The following BMERB1 variants were observed in gnomAD, a reference collection of about 807,000 sequenced individuals.
BMERB1 encodes bMERB domain containing 1.
BMERB1 carries 12 observed loss-of-function variants against 23.6 expected under a neutral mutation model. The observed-to-expected ratio is 0.51, with a 90% CI of 0.33 to 0.82. The LOEUF (loss-of-function observed/expected upper bound fraction) is 0.82, where lower values mean the gene tolerates loss of function less well. BMERB1 is among the 40% of genes least tolerant of loss of function. The probability of loss-of-function intolerance (pLI) is 0.03; values close to 1 mark genes in which losing one functional copy is unlikely to be tolerated. For synonymous variants in BMERB1, 122 were observed against 96.6 expected, an observed-to-expected ratio of 1.26 and a Z score of -1.54; for missense variants, 247 against 255.4, an observed-to-expected ratio of 0.97 and a Z score of 0.22.
intron 1 of BMERB1, among the ~76,000 whole-genome samples, chr16:15,487,505 C>T (rs2051378370): frequency 6.6e-6 from 1 of 152,016 alleles, no homozygotes; most frequent in Non-Finnish European, 1.5e-5. Context: ...CCGATCCAGA[C>T]CCCAAGAGAG....
chr16:15,579,189 G>A (rs888696307), intron 3 of BMERB1, among the ~76,000 whole-genome samples: 1 of 152,172 alleles, frequency 6.6e-6, no homozygotes, highest in African/African-American at 2.4e-5. Context: ...GCTGTCAATG[G>A]TTATTTGGAG....
At chr16:15,468,542 A>G (rs1188694301) in intron 1 of BMERB1, among the ~76,000 whole-genome samples, 3 of 152,218 alleles carry the variant, frequency 2.0e-5, no homozygotes, top group East Asian at 1.9e-4. Flanking sequence ...CTCCCTTCCA[A>G]TCATGGTCTG....
At position 15,499,980 on chromosome 16, in the gene BMERB1, G is replaced by A. The variant is rs1039892405; in HGVS notation, c.107-15325G>A. Among the ~76,000 whole-genome samples the A allele has an allele frequency of 3.3e-5, 5 of 152,178 alleles. No homozygotes were observed. The South Asian group carries it at 1.0e-3, about 32-fold the overall frequency. On this transcript the variant is annotated intron_variant, in intron 1 of 5. Transcript: ENST00000300006. ...TTCAATCAATATAGTTAATAGCAAT[G>A]TGCCAATGTCAGTTTCTTGGTAAAG... is the stretch of plus-strand genomic sequence containing the variant.
At chr16:15,577,252 A>G (rs1355570188) in intron 3 of BMERB1, 1 of 152,162 alleles carries the variant, frequency 6.6e-6, no homozygotes, top group Non-Finnish European at 1.5e-5. Context: ...TCCCTTGACT[A>G]TGTCTACAGC....
At chr16:15,472,968 T>G (rs540807249) in intron 1 of BMERB1, among the ~76,000 whole-genome samples, 1 of 151,728 alleles carries the variant, frequency 6.6e-6, no homozygotes, top group Non-Finnish European at 1.5e-5. Context: ...CAAGCAGTTC[T>G]CATGCCTCAG....
chr16:15,564,757 G>T (rs1246440842), intron 2 of BMERB1, among the ~76,000 whole-genome samples: 1 of 152,222 alleles, frequency 6.6e-6, no homozygotes, highest in African/African-American at 2.4e-5. Context: ...AATGGAATAT[G>T]TAAGACTTGG....
intron 1 of BMERB1, among the ~76,000 whole-genome samples, chr16:15,487,768 G>A (rs1166735789): frequency 6.6e-6 from 1 of 152,174 alleles, no homozygotes; most frequent in East Asian, 1.9e-4. Flanking sequence ...ACAGCTGAGG[G>A]TTCCTCCACT....
chr16:15,495,126 C>T lies in BMERB1; in HGVS notation c.107-20179C>T, dbSNP rs923583897. 5.1e-4 allele frequency among the ~76,000 whole-genome samples: 78 copies of T among 151,832 alleles called. 1 individual carries two copies. The highest frequency in any genetic ancestry group is 4.7e-3 in the Admixed American group (72 of 15,240). On this transcript the variant is annotated intron_variant, in intron 1 of 5. Coordinates refer to ENST00000300006, the MANE Select transcript of BMERB1 (RefSeq NM_033201.3). ...CTCGAACTCCTGACCTCAAGTGATC[C>T]GCCTACCTCGGCCTTCCAAAGTGCT...
At chr16:15,503,788 G>A (rs1348647558) in intron 1 of BMERB1, among the ~76,000 whole-genome samples, 1 of 152,184 alleles carries the variant, frequency 6.6e-6, no homozygotes, top group Non-Finnish European at 1.5e-5. Context: ...CGCACAATTA[G>A]TGATAGAGCC....
chr16:15,577,589 G>C (rs1361908564), intron 3 of BMERB1, among the ~76,000 whole-genome samples: 2 of 152,238 alleles, frequency 1.3e-5, no homozygotes, highest in Non-Finnish European at 2.9e-5. Context: ...TGGGTGATTT[G>C]AGAGATCCAA....
At chr16:15,502,509 G>A (rs533656702) in intron 1 of BMERB1, 8 of 774,538 alleles carry the variant, frequency 1.0e-5, no homozygotes, top group South Asian at 4.6e-5. Context: ...TAAAAGCAAC[G>A]GGCGGCTTCC....
intron 1 of BMERB1, among the ~76,000 whole-genome samples, chr16:15,468,728 A>G (rs575652932): frequency 1.7e-4 from 26 of 152,160 alleles, no homozygotes; most frequent in African/African-American, 6.3e-4. Flanking sequence ...TTTATAGATT[A>G]TGCTTTGGTG....
At chr16:15,537,554 A>G (rs931987832) in intron 2 of BMERB1, among the ~76,000 whole-genome samples, 1 of 151,362 alleles carries the variant, frequency 6.6e-6, no homozygotes, top group South Asian at 2.1e-4. Flanking sequence ...GGGTTTCACC[A>G]TGTTGGCCAG....
intron 1 of BMERB1, among the ~76,000 whole-genome samples, chr16:15,461,017 C>T (rs2094833425): frequency 6.6e-6 from 1 of 151,106 alleles, no homozygotes; most frequent in African/African-American, 2.4e-5. Context: ...CCCAGCTACT[C>T]GGGAGGCTGA....
chr16:15,455,957 G>A lies in BMERB1; in HGVS notation c.106+21198G>A, dbSNP rs970417028. Among the ~76,000 whole-genome samples, 9 of 152,132 alleles carry A rather than the reference G, an allele frequency of 5.9e-5. No individual in the cohort carries two copies. In the South Asian group the frequency reaches 1.2e-3, roughly 21 times the overall value. On this transcript the variant is annotated intron_variant, in intron 1 of 5. Transcript: ENST00000300006. The stretch of plus-strand genomic sequence containing the variant: ...ACAATTTGTGGCTTATCAGGTTGAC[G>A]TTTTCCTTTCTTTTCAGGCAGCTGA...
At chr16:15,581,160 G>A (rs1207315820) in intron 3 of BMERB1, 57 bp from the exon 4 acceptor site, 30 of 1,318,234 alleles carry the variant, frequency 2.3e-5, no homozygotes, top group East Asian at 2.2e-4. Flanking sequence ...CAAGTGATCC[G>A]CCCACCTCAG....
Position 15,587,954 on chromosome 16 carries a change from C to T in BMERB1, c.*1125C>T, listed in dbSNP as rs35178512. The T allele has an allele frequency of 7.0e-3, 1,068 of 152,752 alleles. 8 individuals are homozygous for T. Among genetic ancestry groups the T allele is most frequent in the South Asian group, 0.021 (104 of 4,900 alleles). 9.5% of individuals were successfully genotyped at this position (152,752 alleles called of 1,614,324 possible). ...TCAGAGAAAATAAAAATGGAAACCA[C>T]GTTCACAGCATTTTAAAAGTTTTTA... On this transcript the variant is annotated 3_prime_UTR_variant, in exon 6 of 6. Transcript: ENST00000300006.
At chr16:15,552,048 A>C (rs2030106237) in intron 2 of BMERB1, among the ~76,000 whole-genome samples, 1 of 152,154 alleles carries the variant, frequency 6.6e-6, no homozygotes, top group South Asian at 2.1e-4. Context: ...AGGGACACCA[A>C]GGGCCAGTCT....
At chr16:15,579,127 GA>G (rs1232010863) in intron 3 of BMERB1, among the ~76,000 whole-genome samples, 1 of 152,202 alleles carries the variant, frequency 6.6e-6, no homozygotes, top group Non-Finnish European at 1.5e-5. Context: ...GTTGTTGGGT[GA>G]TTCTGGCTAA....
Sources: allele counts gnomAD v4.1 joint callset (sites outside exome capture counted in the v4.1 genomes callset), GRCh38; gene constraint gnomAD v4.1.1; transcripts MANE v1.5; gene names NCBI Gene and HGNC (gene_info 2026-07-23, HGNC 2026-07-21).